Variants in TOP1MT observed in about 807,000 individuals in gnomAD.
TOP1MT encodes the protein DNA topoisomerase I mitochondrial.
TOP1MT carries 80 observed loss-of-function variants against 73.9 expected under a neutral mutation model. That is an observed-to-expected ratio of 1.08 (90% CI 0.90 to 1.30). TOP1MT has a LOEUF of 1.30. TOP1MT is among the 50% of genes most tolerant of loss of function. The pLI is 0.00. For missense variants in TOP1MT, 815 were observed against 808.0 expected, an observed-to-expected ratio of 1.01 and a Z score of -0.10; for synonymous variants, 338 against 326.4, an observed-to-expected ratio of 1.04 and a Z score of -0.38.
At chr8:143,331,390 G>A (rs890253527) in intron 1 of TOP1MT, 51 bp from the exon 2 acceptor site, 1 of 1,501,814 alleles carries the variant, frequency 6.7e-7, no homozygotes, top group Non-Finnish European at 9.2e-7. Context: ...CCCTGCATGA[G>A]CCTCTTCCCC....
intron 7 of TOP1MT, among the ~76,000 whole-genome samples, chr8:143,321,869 GCACACCA>G (rs1816410936): frequency 4.4e-5 from 1 of 22,650 alleles, no homozygotes; most frequent in Non-Finnish European, 9.3e-5. Context: ...CATGCCACAC[GCACACCA>G]CACGCACGCC....
Position 143,329,414 on chromosome 8 carries a change from A to G in TOP1MT, c.296T>C (p.Met99Thr), listed in dbSNP as rs1474401922. The change falls in exon 3 of 14, where the codon ATG (methionine) becomes ACG (threonine). Residue 99 changes from methionine to threonine, a missense_variant. Met to Thr is a moderately conservative substitution (Grantham distance 81, BLOSUM62 -1). Around this residue, in one of 3 missense-constraint regions of TOP1MT, gnomAD observed 751 missense variants for 725.4 expected, o/e 1.04. Transcript: ENST00000329245. Reference protein sequence around the residue: ...AEEVATFYGRMLDHEYTTKEV... With the variant: ...AEEVATFYGRTLDHEYTTKEV... ...CTTTGTTGTGTATTCATGATCTAAC[A>G]TCCTCCCATAAAAAGTGGCGACCTC... is the stretch of plus-strand genomic sequence containing the variant. The G allele has an allele frequency of 6.2e-7, 1 of 1,610,414 alleles. No individual in the cohort carries two copies. The highest frequency in any genetic ancestry group is 8.5e-7 in the Non-Finnish European group (1 of 1,179,126).
chr8:143,332,415 G>T, intron 1 of TOP1MT: 1 of 1,133,852 alleles, frequency 8.8e-7, no homozygotes, highest in Non-Finnish European at 1.2e-6. Flanking sequence ...GGATGGGGGA[G>T]AGTGAGATGG....
At chr8:143,334,916 CGCCCCGCCCCCAGCGGCCA>C (rs1312101835), upstream of TOP1MT, 27 of 1,303,226 alleles carry the variant, frequency 2.1e-5, no homozygotes, top group Admixed American at 4.3e-5. Context: ...CGGCCAGCCC[CGCCCCGCCCCCAGCGGCCA>C]GCCCCGCCCC....
chr8:143,320,416 C>T (rs928461910), intron 8 of TOP1MT, among the ~76,000 whole-genome samples: 3 of 152,112 alleles, frequency 2.0e-5, no homozygotes, highest in Non-Finnish European at 4.4e-5. Flanking sequence ...AGGCGTGAGC[C>T]ACCTTGCCCG....
chr8:143,317,284 G>A (rs1193357667), intron 10 of TOP1MT, among the ~76,000 whole-genome samples: 1 of 152,302 alleles, frequency 6.6e-6, no homozygotes, highest in African/African-American at 2.4e-5. Flanking sequence ...TTGATGGCAG[G>A]GGACAAAGAG....
chr8:143,351,476 A>G (rs898461864), intron 1 of TOP1MT, among the ~76,000 whole-genome samples: 2 of 151,950 alleles, frequency 1.3e-5, no homozygotes, highest in Non-Finnish European at 2.9e-5. Flanking sequence ...TGGGAGGCTG[A>G]GGCAAAGGCA....
Position 143,321,263 on chromosome 8 carries a change from C to T in TOP1MT, c.1084G>A (p.Glu362Lys), listed in dbSNP as rs762947980. The T allele has an allele frequency of 3.7e-6, 6 of 1,612,568 alleles. No individual in the cohort carries two copies. In the East Asian group the frequency reaches 1.1e-4, roughly 30 times the overall value. Residue 362 changes from glutamate to lysine, a missense_variant, in exon 8 of 14, where the codon GAA becomes AAA. By Grantham distance (56) the Glu-to-Lys change is moderately conservative. Coordinates refer to ENST00000329245, the MANE Select transcript of TOP1MT (RefSeq NM_052963.3). ...CAGTCCTTCCCCAGGAAGTCAAATTCCACCACGTGTTGGCAGCCATCGGCC... is the reference window on the plus strand; with the variant it reads ...CAGTCCTTCCCCAGGAAGTCAAATTTCACCACGTGTTGGCAGCCATCGGCC... Reference protein sequence around the residue: ...PEADGCQHVVEFDFLGKDCIR... With the variant: ...PEADGCQHVVKFDFLGKDCIR...
chr8:143,320,285 T>C (rs892812999), intron 8 of TOP1MT, among the ~76,000 whole-genome samples: 1 of 151,974 alleles, frequency 6.6e-6, no homozygotes, highest in Non-Finnish European at 1.5e-5. Context: ...CTCGCCACGA[T>C]GCCCGGCTAA....
At chr8:143,322,915 CCA>C (rs375120493) in intron 7 of TOP1MT, among the ~76,000 whole-genome samples, 2,007 of 19,334 alleles carry the variant, frequency 0.1, 200 homozygotes, top group East Asian at 0.19. Context: ...CACACGCACG[CCA>C]CACACGCACG....
upstream of TOP1MT, chr8:143,359,833 C>A (rs1817474418): frequency 6.6e-6 from 1 of 152,328 alleles, no homozygotes; most frequent in Admixed American, 6.5e-5. Context: ...CCCGCCTGAC[C>A]CCTCCCTCCT....
At chr8:143,327,881 C>A in intron 3 of TOP1MT, 1 of 340,212 alleles carries the variant, frequency 2.9e-6, no homozygotes, top group Non-Finnish European at 5.7e-6. Context: ...GCCTCTACCC[C>A]ACACTATAAC....
In TOP1MT at chr8:143,318,095, G is replaced by T. The variant is rs748811200; in HGVS notation, c.1147-9C>A. ...TGTAAGTTCTTGTACACCTGAAGGA[G>T]AAAGAAGGAATTTCAGAGGACAGAA... On this transcript the variant is annotated splice_polypyrimidine_tract_variant and intron_variant, in intron 8 of 13. Transcript: ENST00000329245. The T allele has an allele frequency of 1.2e-6, 2 of 1,613,646 alleles. No individual in the cohort carries two copies. The highest frequency in any genetic ancestry group is 2.7e-5 in the African/African-American group (2 of 74,918).
At chr8:143,313,460 G>A (rs1189346061) in intron 12 of TOP1MT, among the ~76,000 whole-genome samples, 1 of 149,802 alleles carries the variant, frequency 6.7e-6, no homozygotes, top group Non-Finnish European at 1.5e-5. Context: ...TGAGGCAGGA[G>A]AATCGCTTGA....
intron 8 of TOP1MT, among the ~76,000 whole-genome samples, chr8:143,319,819 C>CT (rs561586169): frequency 0.48 from 70,355 of 146,244 alleles, 18,462 homozygotes; most frequent in East Asian, 0.76. Context: ...AGAATGTAAC[C>CT]TTTTTTTTTT....
Position 143,325,501 on chromosome 8 carries a change from TTGC to T in TOP1MT, c.513_515del (p.Gln172del). ...CATCTAAAATACAGTAGCCGAACTC[TTGC>T]TGAAGTTTTTCTGCCTCTTCTTTTA... On this transcript the variant is annotated inframe_deletion, in exon 5 of 14. Coordinates refer to ENST00000329245, the MANE Select transcript of TOP1MT (RefSeq NM_052963.3). The T allele has an allele frequency of 6.2e-7, 1 of 1,610,484 alleles. No individual in the cohort carries two copies. The highest frequency in any genetic ancestry group is 8.5e-7 in the Non-Finnish European group (1 of 1,176,974).
At chr8:143,309,878 A>G (rs1201912473) in intron 13 of TOP1MT, 190 bp downstream of exon 13, 22 of 1,546,770 alleles carry the variant, frequency 1.4e-5, no homozygotes, top group Non-Finnish European at 1.7e-5. Flanking sequence ...CACCCTGTCC[A>G]TCCGAACGTT....
At position 143,324,502 on chromosome 8, in the gene TOP1MT, G is replaced by C; in HGVS notation, c.799C>G (p.Pro267Ala). The C allele has an allele frequency of 1.2e-6, 2 of 1,613,952 alleles. No homozygotes were observed. The highest frequency in any genetic ancestry group is 1.7e-6 in the Non-Finnish European group (2 of 1,180,012). The stretch of plus-strand genomic sequence containing the variant: ...GCGCTCACCTTCAGCTTCGAGCAAG[G>C]GTTCAGCATGATGTACTTGATGGAG... Reference protein sequence around the residue: ...QNSIKYIMLNPCSKLKGETAW... With the variant: ...QNSIKYIMLNACSKLKGETAW... The change falls in exon 6 of 14, where the codon CCT becomes GCT. Residue 267 changes from proline (P) to alanine (A), a missense_variant. This residue lies in a region of TOP1MT where 751 missense variants were observed against 725.4 expected (regional missense o/e 1.04). Transcript: ENST00000329245.
intron 12 of TOP1MT, among the ~76,000 whole-genome samples, chr8:143,311,105 A>C (rs988734769): frequency 5.4e-5 from 8 of 147,170 alleles, no homozygotes; most frequent in Admixed American, 4.8e-4. Flanking sequence ...GGCATGTGCC[A>C]CCACGCACAT....
Sources: allele counts gnomAD v4.1 joint callset (sites outside exome capture counted in the v4.1 genomes callset), GRCh38; gene constraint gnomAD v4.1.1; regional missense constraint gnomAD v4.1.1; transcripts MANE v1.5; gene names NCBI Gene and HGNC (gene_info 2026-07-23, HGNC 2026-07-21).